PACRG: variants seen among roughly 807,000 people sequenced by gnomAD.
PACRG encodes parkin coregulated.
PACRG carries 29 observed loss-of-function variants against 29.7 expected under a neutral mutation model. The ratio of observed to expected loss-of-function variants is 0.98; its 90% CI spans 0.73 to 1.33. The LOEUF (loss-of-function observed/expected upper bound fraction) is 1.33, where lower values mean the gene tolerates loss of function less well. Ranked by LOEUF, PACRG falls within the 40% of genes most tolerant of loss-of-function variation. PACRG has a pLI of 0.00. For missense variants in PACRG, 279 were observed against 316.2 expected, an observed-to-expected ratio of 0.88 and a Z score of 0.89; for synonymous variants, 116 against 118.7, an observed-to-expected ratio of 0.98 and a Z score of 0.15.
At chr6:163,096,656 G>A (rs1814619283) in intron 4 of PACRG, among the ~76,000 whole-genome samples, 1 of 152,080 alleles carries the variant, frequency 6.6e-6, no homozygotes, top group East Asian at 1.9e-4. Flanking sequence ...ACTATAAGAA[G>A]GTCATTTTTC....
intron 2 of PACRG, among the ~76,000 whole-genome samples, chr6:162,865,161 G>A (rs777744256): frequency 9.2e-5 from 14 of 152,226 alleles, no homozygotes; most frequent in South Asian, 2.1e-4. Flanking sequence ...TCTGGACTGC[G>A]GCTCTCAATG....
chr6:162,944,868 C>A (rs1286043653), intron 2 of PACRG, among the ~76,000 whole-genome samples: 1 of 151,414 alleles, frequency 6.6e-6, no homozygotes, highest in African/African-American at 2.4e-5. Flanking sequence ...TTTTGGTGTA[C>A]CAGAAGGTGA....
chr6:163,302,510 T>C (rs1336728705), intron 4 of PACRG, among the ~76,000 whole-genome samples: 1 of 152,224 alleles, frequency 6.6e-6, no homozygotes, highest in Non-Finnish European at 1.5e-5. Flanking sequence ...TGGATTTAAC[T>C]CCGTCACTTT....
chr6:162,739,283 A>G (rs1780391688), intron 1 of PACRG, among the ~76,000 whole-genome samples: 1 of 152,038 alleles, frequency 6.6e-6, no homozygotes, highest in Non-Finnish European at 1.5e-5. Flanking sequence ...GAGTTTTATC[A>G]TGTAGATTTC....
intron 4 of PACRG, among the ~76,000 whole-genome samples, chr6:163,247,400 A>C (rs566367654): frequency 1.6e-4 from 25 of 152,278 alleles, no homozygotes; most frequent in African/African-American, 6.0e-4. Flanking sequence ...ATTATTATTA[A>C]AAGCATTAAG....
rs991482764 is a variant in PACRG, at chr6:163,112,101, G to A, written c.613+22693G>A. 29 of 913,570 alleles carry A rather than the reference G, an allele frequency of 3.2e-5. No homozygotes were observed. In the Admixed American group the frequency reaches 3.7e-4, roughly 12 times the overall value. The allele number at this position is 913,570 out of a possible 1,614,324, so 56.6% of individuals were successfully genotyped here. A position where few individuals can be genotyped will look rare whatever the true frequency, so the allele number is the denominator to read the frequency against. ...GCATTGAGGGAAAGGATTCTGGGAA[G>A]ATGGTAGAGTAAAAAGCACCAGGCA... is the stretch of plus-strand genomic sequence containing the variant. On this transcript the variant is annotated intron_variant, in intron 4 of 4. Coordinates refer to ENST00000366888, the MANE Select transcript of PACRG (RefSeq NM_001080379.2).
chr6:162,746,474 G>A (rs1364623351), intron 1 of PACRG, among the ~76,000 whole-genome samples: 4 of 152,134 alleles, frequency 2.6e-5, no homozygotes, highest in Admixed American at 6.6e-5. Flanking sequence ...AATGATGGAT[G>A]CCTCTGTTTA....
chr6:163,182,860 CA>C (rs1271551533), intron 4 of PACRG: 1 of 152,184 alleles, frequency 6.6e-6, no homozygotes, highest in Admixed American at 6.5e-5. Flanking sequence ...AAGTCCAAAA[CA>C]GAAGCCTCCA....
intron 4 of PACRG, among the ~76,000 whole-genome samples, chr6:163,282,045 A>T (rs1784242001): frequency 6.6e-6 from 1 of 152,242 alleles, no homozygotes; most frequent in East Asian, 1.9e-4. Flanking sequence ...GAACTTTTTT[A>T]AAATTATTGT....
At chr6:162,960,894 G>A (rs1429810101) in intron 2 of PACRG, among the ~76,000 whole-genome samples, 2 of 152,236 alleles carry the variant, frequency 1.3e-5, no homozygotes, top group African/African-American at 4.8e-5. Flanking sequence ...TAGTTTAACA[G>A]CACCATCAGG....
In PACRG at chr6:163,122,920, C is replaced by G. The variant is rs575412884; in HGVS notation, c.613+33512C>G. ...TGAGGGAAGAAAACTTAACATAAGA[C>G]TACTGATACAGCTCCGAAGACTGGA... On this transcript the variant is annotated intron_variant, in intron 4 of 4. Transcript: ENST00000366888. 1.8e-4 allele frequency among the ~76,000 whole-genome samples: 27 copies of G among 152,294 alleles called. 2 individuals carry two copies. In the South Asian group the frequency reaches 5.6e-3, roughly 32 times the overall value.
At chr6:163,312,188 G>C (rs1434244381) in intron 4 of PACRG, among the ~76,000 whole-genome samples, 1 of 152,172 alleles carries the variant, frequency 6.6e-6, no homozygotes, top group African/African-American at 2.4e-5. Flanking sequence ...TCATGCCTAG[G>C]AGGAGTTTAT....
chr6:163,150,597 C>T (rs893409602), intron 4 of PACRG, among the ~76,000 whole-genome samples: 1 of 64,624 alleles, frequency 1.5e-5, no homozygotes, highest in Admixed American at 1.3e-4. Context: ...CTTCCAGGCT[C>T]AAGTTCCCCC....
chr6:162,887,822 C>T (rs1386201055), intron 2 of PACRG, among the ~76,000 whole-genome samples: 1 of 152,140 alleles, frequency 6.6e-6, no homozygotes, highest in Non-Finnish European at 1.5e-5. Flanking sequence ...CTTTGGTCTT[C>T]ATGACTCAGC....
chr6:163,076,167 A>G (rs920487379), intron 3 of PACRG, among the ~76,000 whole-genome samples: 3 of 152,120 alleles, frequency 2.0e-5, no homozygotes, highest in African/African-American at 7.2e-5. Context: ...CAGACAATTA[A>G]TTGGACACAG....
At chr6:162,957,523 A>C (rs1800144001) in intron 2 of PACRG, 1 of 355,806 alleles carries the variant, frequency 2.8e-6, no homozygotes, top group Non-Finnish European at 5.5e-6. Flanking sequence ...GGGACAGCCT[A>C]GTTTTGCTAG....
At chr6:163,058,317 A>C (rs1185143403) in intron 2 of PACRG, among the ~76,000 whole-genome samples, 1 of 152,112 alleles carries the variant, frequency 6.6e-6, no homozygotes, top group South Asian at 2.1e-4. Flanking sequence ...AGAATCCAGC[A>C]GCTCCTTACA....
intron 4 of PACRG, among the ~76,000 whole-genome samples, chr6:163,134,618 A>G (rs1488622722): frequency 1.3e-5 from 2 of 152,214 alleles, no homozygotes; most frequent in Non-Finnish European, 2.9e-5. Context: ...AAAATACTCT[A>G]TTAATGTACA....
At chr6:162,890,477 G>A (rs1794674877) in intron 2 of PACRG, among the ~76,000 whole-genome samples, 1 of 152,086 alleles carries the variant, frequency 6.6e-6, no homozygotes. Flanking sequence ...CTACTCTTAT[G>A]TACCTTCACC....
Sources: allele counts gnomAD v4.1 joint callset (sites outside exome capture counted in the v4.1 genomes callset), GRCh38; gene constraint gnomAD v4.1.1; transcripts MANE v1.5; gene names NCBI Gene and HGNC (gene_info 2026-07-23, HGNC 2026-07-21).